WDR70: variants seen among roughly 807,000 people sequenced by gnomAD.
The protein encoded by WDR70 is WD repeat-containing protein 70.
A neutral mutation model predicts 88.6 loss-of-function variants in WDR70; 53 were observed. That is an observed-to-expected ratio of 0.60 (90% CI 0.48 to 0.75). The LOEUF is 0.75. Ranked by LOEUF, WDR70 falls within the 30% of genes least tolerant of loss-of-function variation. WDR70 has a pLI of 0.00. For missense variants in WDR70, 610 were observed against 823.2 expected (o/e 0.74, Z 3.17); for synonymous variants, 280 against 270.0 (o/e 1.04, Z -0.36).
intron 10 of WDR70, among the ~76,000 whole-genome samples, chr5:37,607,755 C>T (rs185382121): frequency 6.5e-4 from 99 of 152,262 alleles, no homozygotes; most frequent in African/African-American, 2.3e-3. Context: ...GGACATTGCT[C>T]CTCAAGAGGA....
At chr5:37,674,380 G>A (rs578186130) in intron 10 of WDR70, among the ~76,000 whole-genome samples, 21 of 151,418 alleles carry the variant, frequency 1.4e-4, no homozygotes, top group South Asian at 6.3e-4. Flanking sequence ...CTATTCCCCC[G>A]CCTTCCCCAA....
At chr5:37,523,106 C>A (rs1014447263) in intron 9 of WDR70, among the ~76,000 whole-genome samples, 5 of 152,166 alleles carry the variant, frequency 3.3e-5, no homozygotes, top group African/African-American at 1.2e-4. Flanking sequence ...CTTAAATGTC[C>A]CTGTCTGACA....
At chr5:37,579,031 C>T (rs1191182377) in intron 9 of WDR70, among the ~76,000 whole-genome samples, 1 of 152,124 alleles carries the variant, frequency 6.6e-6, no homozygotes, top group African/African-American at 2.4e-5. Context: ...TCCTTGAAGG[C>T]ACACAATTAA....
intron 9 of WDR70, among the ~76,000 whole-genome samples, chr5:37,566,091 C>A (rs1293639098): frequency 6.6e-6 from 1 of 151,958 alleles, no homozygotes; most frequent in East Asian, 1.9e-4. Flanking sequence ...AAAATGAAAC[C>A]CTGTATTCCT....
chr5:37,639,967 A>G (rs1173693941), intron 10 of WDR70, among the ~76,000 whole-genome samples: 1 of 152,166 alleles, frequency 6.6e-6, no homozygotes, highest in Non-Finnish European at 1.5e-5. Context: ...CACTTCGCAG[A>G]TGAGAAAACT....
At chr5:37,693,841 C>T (rs1453548755) in intron 10 of WDR70, among the ~76,000 whole-genome samples, 1 of 152,068 alleles carries the variant, frequency 6.6e-6, no homozygotes, top group Non-Finnish European at 1.5e-5. Flanking sequence ...GCAACAGAAG[C>T]CAAAATAGAC....
At chr5:37,692,436 TCC>T in intron 10 of WDR70, among the ~76,000 whole-genome samples, 1 of 152,030 alleles carries the variant, frequency 6.6e-6, no homozygotes, top group African/African-American at 2.4e-5. Context: ...AGACCAATAT[TCC>T]TGATGAACGT....
rs1411119633 is a variant in WDR70, at chr5:37,726,920, C to T, written c.1752C>T (p.Leu584=). 2 of 1,602,750 alleles carry T rather than the reference C, an allele frequency of 1.2e-6. No homozygotes were observed. Among genetic ancestry groups the T allele is most frequent in the Non-Finnish European group, 1.7e-6 (2 of 1,176,484 alleles). ...GGRVGTHGGT[L]SSYIVKNIAL... The stretch of plus-strand genomic sequence containing the variant: ...GAGTTGGAACCCACGGGGGCACTCT[C>T]TCTTCCTATATTGTGAAGAACATTG... The change falls in exon 17 of 18, where the codon CTC becomes CTT. Residue 584 remains leucine, a synonymous_variant. Transcript: ENST00000265107.
At chr5:37,574,914 T>A (rs1389238476) in intron 9 of WDR70, among the ~76,000 whole-genome samples, 1 of 152,154 alleles carries the variant, frequency 6.6e-6, no homozygotes, top group Non-Finnish European at 1.5e-5. Flanking sequence ...TTTTTCTCCT[T>A]CTCCACAATG....
At chr5:37,697,845 G>A (rs1409712747) in intron 11 of WDR70, 91 bp downstream of exon 11, 1 of 1,097,150 alleles carries the variant, frequency 9.1e-7, no homozygotes, top group African/African-American at 1.6e-5. Context: ...GCTTAGTAAA[G>A]CTTGCTTTGA....
chr5:37,677,176 A>G (rs1175494883), intron 10 of WDR70, among the ~76,000 whole-genome samples: 2 of 152,122 alleles, frequency 1.3e-5, no homozygotes, highest in Non-Finnish European at 2.9e-5. Context: ...TGATCCTTTC[A>G]AAAAATCAGC....
intron 13 of WDR70, among the ~76,000 whole-genome samples, chr5:37,715,833 T>C (rs72743184): frequency 0.24 from 37,149 of 152,096 alleles, 5,153 homozygotes; most frequent in Admixed American, 0.38. Flanking sequence ...GTATTTTTTT[T>C]GTTTTTATCT....
chr5:37,568,649 A>G (rs913133440), intron 9 of WDR70, among the ~76,000 whole-genome samples: 8 of 152,214 alleles, frequency 5.3e-5, no homozygotes, highest in African/African-American at 1.9e-4. Flanking sequence ...TATGAGAATC[A>G]TAATTGTGAA....
intron 13 of WDR70, among the ~76,000 whole-genome samples, chr5:37,705,856 G>A (rs904832507): frequency 6.6e-6 from 1 of 152,120 alleles, no homozygotes; most frequent in African/African-American, 2.4e-5. Flanking sequence ...GGCACAGACA[G>A]TGATGGCATT....
At chr5:37,564,211 G>A (rs1385094293) in intron 9 of WDR70, among the ~76,000 whole-genome samples, 1 of 151,756 alleles carries the variant, frequency 6.6e-6, no homozygotes, top group Non-Finnish European at 1.5e-5. Context: ...CCGAGATCAC[G>A]CCACTGCACT....
At chr5:37,545,628 C>T (rs1247160871) in intron 9 of WDR70, among the ~76,000 whole-genome samples, 1 of 151,824 alleles carries the variant, frequency 6.6e-6, no homozygotes, top group Non-Finnish European at 1.5e-5. Context: ...CGCCTCCCGG[C>T]TTCAAGCAAT....
chr5:37,435,755 T>C (rs1750447708), intron 5 of WDR70, among the ~76,000 whole-genome samples: 1 of 152,186 alleles, frequency 6.6e-6, no homozygotes, highest in South Asian at 2.1e-4. Context: ...GCACCTGCTT[T>C]TCTTTATGGA....
chr5:37,697,998 A>G (rs1747033384), intron 11 of WDR70: 1 of 361,722 alleles, frequency 2.8e-6, no homozygotes, highest in East Asian at 5.4e-5. Flanking sequence ...TTAGATTCAA[A>G]TTCCATAAGA....
intron 5 of WDR70, 87 bp downstream of exon 5, chr5:37,396,657 AAG>A: frequency 7.0e-7 from 1 of 1,438,498 alleles, no homozygotes; most frequent in Non-Finnish European, 9.1e-7. Context: ...TTTCATGAGT[AAG>A]AGCCAATTTA....
Sources: gnomAD v4.1 joint callset for allele counts (sites outside exome capture counted in the v4.1 genomes callset) on GRCh38, gnomAD v4.1.1 for gene constraint, MANE v1.5 for transcripts, NCBI Gene and HGNC (gene_info 2026-07-23, HGNC 2026-07-21) for gene names.